The following HEPH variants were observed in gnomAD, a reference collection of about 807,000 sequenced individuals.
HEPH encodes hephaestin.
In HEPH, 69 loss-of-function variants were observed where a neutral mutation model predicts 80.8. The ratio of observed to expected loss-of-function variants is 0.85; its 90% CI spans 0.70 to 1.04. The LOEUF (loss-of-function observed/expected upper bound fraction) is 1.04. Among genes scored for constraint, HEPH ranks in the 50% least tolerant of loss-of-function variants. The pLI is 0.00. For synonymous variants in HEPH, 431 were observed against 322.8 expected (o/e 1.34, Z -3.60); for missense variants, 1,115 against 891.3 (o/e 1.25, Z -3.20).
At position 66,170,646 on chromosome X, in the gene HEPH, C is replaced by T. The variant is rs2086554367; in HGVS notation, c.76C>T (p.Arg26Ter). The T allele has an allele frequency of 8.3e-7, 1 of 1,209,308 alleles. No homozygotes were observed. The highest frequency in any genetic ancestry group is 1.8e-5 in the South Asian group (1 of 56,742). ...LWPQLTDGAT[R>*]VYYLGIRDVQ... is the part of the protein sequence containing the mutation. ...GCCTCAACTGACTGATGGAGCCACT[C>T]GAGTCTACTACCTGGGCATCCGGGA... The change falls in exon 2 of 21, where the codon CGA becomes TGA. Residue 26 changes from arginine (R) to a stop codon, truncating the protein, a stop_gained. Coordinates refer to ENST00000343002, the MANE Select transcript of HEPH (RefSeq NM_001367233.3). LOFTEE classifies it high-confidence loss of function.
At position 66,170,668 on chromosome X, in the gene HEPH, G is replaced by A. The variant is rs965111873; in HGVS notation, c.98G>A (p.Arg33Gln). The part of the protein sequence containing the change: ...GATRVYYLGI[R>Q]DVQWNYAPKG... ...ACTCGAGTCTACTACCTGGGCATCC[G>A]GGATGTGCAGTGGAACTATGCTCCC... Residue 33 changes from arginine to glutamine, a missense_variant, in exon 2 of 21, where the codon CGG becomes CAG. Transcript: ENST00000343002. 3 of 1,208,588 alleles carry A rather than the reference G, an allele frequency of 2.5e-6. No homozygotes were observed. The highest frequency in any genetic ancestry group is 4.4e-5 in the Admixed American group (2 of 45,650).
intron 7 of HEPH, among the ~76,000 whole-genome samples, chrX:66,193,142 G>A (rs1465140701): frequency 1.8e-5 from 2 of 110,895 alleles, no homozygotes; most frequent in Admixed American, 9.7e-5. Flanking sequence ...GATGATTAAG[G>A]ACAGATGTAG....
At chrX:66,233,067 A>G (rs979348494) in intron 15 of HEPH, among the ~76,000 whole-genome samples, 1 of 111,803 alleles carries the variant, frequency 8.9e-6, no homozygotes, top group African/African-American at 3.2e-5. Context: ...AAATGGGCTT[A>G]CTTAAGTAAA....
At chrX:66,258,790 T>A in intron 17 of HEPH, 50 bp from the exon 18 acceptor site, 1 of 1,036,332 alleles carries the variant, frequency 9.6e-7, no homozygotes, top group African/African-American at 1.9e-5. Context: ...AAAGGAGAGA[T>A]GTAAGAAGCT....
chrX:66,235,939 G>A (rs770739091), intron 15 of HEPH, among the ~76,000 whole-genome samples: 2 of 111,577 alleles, frequency 1.8e-5, no homozygotes, highest in Non-Finnish European at 3.8e-5. Context: ...ACTGTTGTTG[G>A]TGTATAGGAA....
Position 66,189,857 on chromosome X carries a change from G to T in HEPH, c.982G>T (p.Ala328Ser). 1 of 1,206,294 alleles carries T rather than the reference G, an allele frequency of 8.3e-7. No homozygotes were observed. Among genetic ancestry groups the T allele is most frequent in the Non-Finnish European group, 1.1e-6 (1 of 892,559 alleles). Residue 328 changes from alanine to serine, a missense_variant, in exon 6 of 21, where the codon GCC becomes TCC. Transcript: ENST00000343002. ...HHTDVANIFP[A>S]TFVTAEMVPW... ...CACTGATGTGGCTAACATCTTTCCA[G>T]CCACCTTTGTGACTGCTGAGATGGT...
chrX:66,213,250 G>T (rs2089231173), intron 15 of HEPH, among the ~76,000 whole-genome samples: 1 of 101,019 alleles, frequency 9.9e-6, no homozygotes, highest in Admixed American at 1.1e-4. Context: ...TGTTCTCATT[G>T]TTCAGTTCCC....
At chrX:66,218,509 A>G (rs1488093674) in intron 15 of HEPH, among the ~76,000 whole-genome samples, 1 of 112,000 alleles carries the variant, frequency 8.9e-6, no homozygotes, top group Non-Finnish European at 1.9e-5. Context: ...AATAATAGTG[A>G]CACAACCTAT....
chrX:66,234,056 C>G (rs1046300800), intron 15 of HEPH, among the ~76,000 whole-genome samples: 2 of 110,782 alleles, frequency 1.8e-5, no homozygotes, highest in Admixed American at 1.9e-4. Context: ...TCCTTTCCCT[C>G]TTCCCACCCC....
At chrX:66,243,686 G>A (rs2090695683) in intron 15 of HEPH, among the ~76,000 whole-genome samples, 1 of 113,169 alleles carries the variant, frequency 8.8e-6, no homozygotes, top group Admixed American at 9.3e-5. Context: ...ATTGATACAT[G>A]TAGGTTTGAT....
chrX:66,197,760 C>G lies in HEPH; in HGVS notation c.1579C>G (p.Pro527Ala). 8.3e-7 allele frequency: 1 copy of G among 1,211,572 alleles called. No individual in the cohort carries two copies. The highest frequency in any genetic ancestry group is 1.1e-6 in the Non-Finnish European group (1 of 895,221). ...CTGGACAGTCCCCCCTCATGCCGGT[C>G]CCACTGCTCAGGATCCTGCTTGTCT... Reference protein sequence around the residue: ...YRWTVPPHAGPTAQDPACLTW... With the variant: ...YRWTVPPHAGATAQDPACLTW... The change falls in exon 10 of 21, where the codon CCC (proline) becomes GCC (alanine). Residue 527 changes from proline (P) to alanine (A), a missense_variant. Around this residue, in one of 3 missense-constraint regions of HEPH, gnomAD observed 716 missense variants for 523.5 expected, o/e 1.37. Coordinates refer to ENST00000343002, the MANE Select transcript of HEPH (RefSeq NM_001367233.3).
intron 4 of HEPH, among the ~76,000 whole-genome samples, chrX:66,186,606 C>G (rs1367379726): frequency 1.8e-5 from 2 of 112,268 alleles, no homozygotes; most frequent in Non-Finnish European, 3.8e-5. Context: ...CTGTCTGGCA[C>G]TCCCTAGTGA....
Position 66,256,268 on chromosome X carries a change from C to G in HEPH, c.2834C>G (p.Ser945Cys), listed in dbSNP as rs141644477. Residue 945 changes from serine (S) to cysteine (C), a missense_variant, in exon 17 of 21, where the codon TCC becomes TGC. Transcript: ENST00000343002. ...YLEENVATHG[S>C]QDPGSINLQD... ...GAGGAAAATGTGGCAACCCATGGGT[C>G]CCAGGATCCAGGCAGTATTAACCTA... 5.8e-6 allele frequency: 7 copies of G among 1,209,094 alleles called. No individual in the cohort carries two copies. The African/African-American group carries it at 1.2e-4, about 21-fold the overall frequency.
At chrX:66,231,179 G>A (rs1429277619) in intron 15 of HEPH, among the ~76,000 whole-genome samples, 2 of 109,330 alleles carry the variant, frequency 1.8e-5, no homozygotes, top group African/African-American at 6.7e-5. Context: ...GGTTACTGTA[G>A]CCTTGTAGTA....
At chrX:66,178,522 T>G (rs2086926496) in intron 4 of HEPH, among the ~76,000 whole-genome samples, 1 of 112,561 alleles carries the variant, frequency 8.9e-6, no homozygotes, top group Non-Finnish European at 1.9e-5. Flanking sequence ...ATCACCACAC[T>G]GTCTTCCACA....
intron 19 of HEPH, among the ~76,000 whole-genome samples, chrX:66,262,191 CAG>C (rs1239491973): frequency 8.9e-6 from 1 of 111,957 alleles, no homozygotes; most frequent in Non-Finnish European, 1.9e-5. Context: ...GTTGAAAAGA[CAG>C]AGGGAAAAGA....
At chrX:66,213,691 A>T (rs1336223897) in intron 15 of HEPH, among the ~76,000 whole-genome samples, 1 of 112,076 alleles carries the variant, frequency 8.9e-6, no homozygotes, top group Non-Finnish European at 1.9e-5. Flanking sequence ...TTAAAAAAAA[A>T]TACTGATGAA....
At position 66,193,537 on chromosome X, in the gene HEPH, GA is replaced by G; in HGVS notation, c.1270del (p.Ile424LeufsTer36). 8.4e-7 allele frequency: 1 copy of G among 1,186,357 alleles called. No individual in the cohort carries two copies. Among genetic ancestry groups the G allele is most frequent in the Non-Finnish European group, 1.1e-6 (1 of 878,348 alleles). On this transcript the variant is annotated frameshift_variant, in exon 8 of 21. Transcript: ENST00000343002. LOFTEE classifies it high-confidence loss of function. The part of the protein sequence containing the change: ...SDKFFQKSSS[R>X]IGGTYWKVRY... ...AAGTTTTTCCAGAAGAGCTCCAGCC[GA>G]ATTGGGGGCACTTACTGGAAAGTGC...
intron 7 of HEPH, among the ~76,000 whole-genome samples, 190 bp downstream of exon 7, chrX:66,192,488 A>G (rs2087855107): frequency 8.9e-6 from 1 of 111,763 alleles, no homozygotes; most frequent in Non-Finnish European, 1.9e-5. Flanking sequence ...AGATACAGGT[A>G]GCAAAGCTTT....
Sources: gnomAD v4.1 joint callset for allele counts (sites outside exome capture counted in the v4.1 genomes callset) on GRCh38, gnomAD v4.1.1 for gene constraint, gnomAD v4.1.1 regional missense constraint, MANE v1.5 for transcripts, NCBI Gene and HGNC (gene_info 2026-07-23, HGNC 2026-07-21) for gene names.